The following TSC22D1 variants were observed in gnomAD, a reference collection of about 807,000 sequenced individuals.
The protein encoded by TSC22D1 is TSC22 domain family member 1, also known as TSC22 domain family protein 1.
A neutral mutation model predicts 74.2 loss-of-function variants in TSC22D1; 9 were observed. That is an observed-to-expected ratio of 0.12 (90% CI 0.07 to 0.21). The LOEUF (loss-of-function observed/expected upper bound fraction) is 0.21, where lower values mean the gene tolerates loss of function less well. TSC22D1 is among the 10% of genes least tolerant of loss of function. The pLI is 1.00. For missense variants in TSC22D1, 1,427 were observed against 1,304.7 expected (o/e 1.09, Z -1.44); for synonymous variants, 586 against 492.5 (o/e 1.19, Z -2.51).
intron 1 of TSC22D1, among the ~76,000 whole-genome samples, chr13:44,535,650 C>A (rs954664750): frequency 3.8e-4 from 57 of 151,208 alleles, no homozygotes; most frequent in African/African-American, 1.3e-3. Flanking sequence ...ACAAAAAAAA[C>A]CATTTGTTTC....
intron 1 of TSC22D1, among the ~76,000 whole-genome samples, chr13:44,513,776 T>C (rs897732522): frequency 6.6e-6 from 1 of 152,222 alleles, no homozygotes; most frequent in South Asian, 2.1e-4. Context: ...GAGAATCTTT[T>C]CTCTTCTAAC....
chr13:44,458,927 C>T (rs1876831551), intron 1 of TSC22D1, among the ~76,000 whole-genome samples: 1 of 152,168 alleles, frequency 6.6e-6, no homozygotes, highest in African/African-American at 2.4e-5. Flanking sequence ...GTACGAACAG[C>T]CTGGGCACTG....
chr13:44,508,330 G>C (rs542604520), intron 1 of TSC22D1, among the ~76,000 whole-genome samples: 1 of 152,312 alleles, frequency 6.6e-6, no homozygotes, highest in East Asian at 1.9e-4. Context: ...GGGTTGGTGA[G>C]CTTGGTTAAA....
At chr13:44,512,601 CTCTACA>C (rs1879784990) in intron 1 of TSC22D1, among the ~76,000 whole-genome samples, 1 of 152,310 alleles carries the variant, frequency 6.6e-6, no homozygotes, top group Non-Finnish European at 1.5e-5. Flanking sequence ...TCATCCCTTT[CTCTACA>C]TCTACATCTA....
intron 1 of TSC22D1, among the ~76,000 whole-genome samples, chr13:44,558,881 G>A (rs900137829): frequency 6.6e-6 from 1 of 152,188 alleles, no homozygotes; most frequent in African/African-American, 2.4e-5. Flanking sequence ...TATCTAGGGT[G>A]AAATTCTCAT....
chr13:44,576,299 G>GATCCCCCCTTC lies in TSC22D1; in HGVS notation c.-226_-225insGAAGGGGGGAT. ...AACAGGGCGGCCGGGGACCCGAAGG[G>GATCCCCCCTTC]GGGATCCCTTCAGTCCTTCGCCATT... On this transcript the variant is annotated 5_prime_UTR_variant, in exon 1 of 3. Coordinates refer to ENST00000458659, the MANE Select transcript of TSC22D1 (RefSeq NM_183422.4). 1 of 591,542 alleles carries GATCCCCCCTTC rather than the reference G, an allele frequency of 1.7e-6. No homozygotes were observed. Among genetic ancestry groups the GATCCCCCCTTC allele is most frequent in the Non-Finnish European group, 2.9e-6 (1 of 344,188 alleles). 36.6% of individuals were successfully genotyped at this position (591,542 alleles called of 1,614,324 possible).
chr13:44,536,936 A>AAC, intron 1 of TSC22D1: 1 of 800,228 alleles, frequency 1.2e-6, no homozygotes. Context: ...GAAAAAAAAA[A>AAC]AAAAAAAAAA....
In TSC22D1 at chr13:44,517,857, AT is replaced by A. The variant is rs71070912; in HGVS notation, c.2912+55305del. Among the ~76,000 whole-genome samples, 20 of 16,166 alleles carry A rather than the reference AT, an allele frequency of 1.2e-3. 1 individual carries two copies. Among genetic ancestry groups the A allele is most frequent in the East Asian group, 2.9e-3 (3 of 1,042 alleles). The allele number at this position is 16,166 out of a possible 152,430, so 10.6% of individuals were successfully genotyped here. ...TATATATATATATATATATATATAT[AT>A]TTTTTTTTTTTTTTTTTTTTTAACA... On this transcript the variant is annotated intron_variant, in intron 1 of 2. Transcript: ENST00000458659.
chr13:44,434,009 G>C lies in TSC22D1; in HGVS notation c.*617C>G, dbSNP rs1874287265. 6.5e-7 allele frequency: 1 copy of C among 1,533,792 alleles called. No homozygotes were observed. The highest frequency in any genetic ancestry group is 8.7e-7 in the Non-Finnish European group (1 of 1,146,462). On this transcript the variant is annotated 3_prime_UTR_variant, in exon 3 of 3. Coordinates refer to ENST00000458659, the MANE Select transcript of TSC22D1 (RefSeq NM_183422.4). ...ATAAGCAAAACAACCTTCATGGTAAGATAGCCTAGGTCCCAGCTACCTGTC... is the reference window on the plus strand; with the variant it reads ...ATAAGCAAAACAACCTTCATGGTAACATAGCCTAGGTCCCAGCTACCTGTC...
intron 1 of TSC22D1, among the ~76,000 whole-genome samples, chr13:44,455,242 G>A (rs186149190): frequency 6.6e-6 from 1 of 152,310 alleles, no homozygotes; most frequent in East Asian, 1.9e-4. Flanking sequence ...TAAGAGAGAT[G>A]ATGGGATTAG....
At chr13:44,456,483 G>C (rs1266189622) in intron 1 of TSC22D1, among the ~76,000 whole-genome samples, 2 of 152,070 alleles carry the variant, frequency 1.3e-5, no homozygotes, top group Non-Finnish European at 2.9e-5. Flanking sequence ...CAAACCTTTA[G>C]CTAGACACAG....
Position 44,482,017 on chromosome 13 carries a change from C to G in TSC22D1, c.2913-45922G>C, listed in dbSNP as rs149998942. Among the ~76,000 whole-genome samples, 977 of 152,292 alleles carry G rather than the reference C, an allele frequency of 6.4e-3. 11 individuals carry two copies. The highest frequency in any genetic ancestry group is 0.022 in the African/African-American group (917 of 41,554). On this transcript the variant is annotated intron_variant, in intron 1 of 2. Transcript: ENST00000458659. Reference sequence around the variant, plus strand: ...CACAATTTCTTTGTTCCTTCTCAAACTCCATCAGCTTTTCAAATATAAAGG... The same window carrying G: ...CACAATTTCTTTGTTCCTTCTCAAAGTCCATCAGCTTTTCAAATATAAAGG...
At chr13:44,555,453 A>T (rs1036948986) in intron 1 of TSC22D1, among the ~76,000 whole-genome samples, 28 of 152,110 alleles carry the variant, frequency 1.8e-4, no homozygotes, top group African/African-American at 6.0e-4. Context: ...TAAAAATACA[A>T]AAATAAGCTG....
chr13:44,510,319 G>A (rs541746770), intron 1 of TSC22D1, among the ~76,000 whole-genome samples: 3 of 151,912 alleles, frequency 2.0e-5, no homozygotes, highest in East Asian at 1.9e-4. Context: ...TTGAACCTGC[G>A]AGGCGGGGGT....
chr13:44,534,933 C>T (rs950666861), intron 1 of TSC22D1, among the ~76,000 whole-genome samples: 1 of 152,214 alleles, frequency 6.6e-6, no homozygotes. Flanking sequence ...TTTTACAGTG[C>T]TCAGGCTTGA....
Position 44,575,938 on chromosome 13 carries a change from G to A in TSC22D1, c.137C>T (p.Thr46Ile), listed in dbSNP as rs1268226143. The change falls in exon 1 of 3, where the codon ACC (threonine) becomes ATC (isoleucine). Residue 46 changes from threonine to isoleucine, a missense_variant. By Grantham distance (89) the Thr-to-Ile change is moderately conservative. Transcript: ENST00000458659. ...GSASALNAAG[T>I]GVGSNATSSE... ...AGATGTGGCATTACTACCGACGCCG[G>A]TACCTGCTGCATTGAGAGCAGAGGC... The A allele has an allele frequency of 1.9e-6, 3 of 1,611,966 alleles. No homozygotes were observed. The highest frequency in any genetic ancestry group is 2.2e-5 in the South Asian group (2 of 90,858).
Position 44,557,640 on chromosome 13 carries a change from G to C in TSC22D1, c.2912+15523C>G, listed in dbSNP as rs185289412. Among the ~76,000 whole-genome samples, 237 of 152,244 alleles carry C rather than the reference G, an allele frequency of 1.6e-3. 1 individual carries two copies. The highest frequency in any genetic ancestry group is 5.5e-3 in the African/African-American group (229 of 41,548). On this transcript the variant is annotated intron_variant, in intron 1 of 2. Transcript: ENST00000458659. The stretch of plus-strand genomic sequence containing the variant: ...GTTCCAATAATAAATATGATGTGAA[G>C]ATAAGTTGTAACCACTCAAAATTAA...
intron 1 of TSC22D1, among the ~76,000 whole-genome samples, chr13:44,522,253 A>T (rs141396182): frequency 6.6e-6 from 1 of 152,206 alleles, no homozygotes; most frequent in Non-Finnish European, 1.5e-5. Context: ...CTGGAGAGGA[A>T]GAATGAGGGT....
In TSC22D1 at chr13:44,434,751, G is replaced by C; in HGVS notation, c.3097C>G (p.Pro1033Ala). 1 of 1,613,974 alleles carries C rather than the reference G, an allele frequency of 6.2e-7. No homozygotes were observed. The highest frequency in any genetic ancestry group is 8.5e-7 in the Non-Finnish European group (1 of 1,180,036). Residue 1033 changes from proline to alanine, a missense_variant, in exon 3 of 3, where the codon CCT (proline) becomes GCT (alanine). This residue lies in a region of TSC22D1 where 63 missense variants were observed against 50.5 expected (regional missense o/e 1.25). Transcript: ENST00000458659. ...ENNLLKTLAS[P>A]EQLAQFQAQL... The stretch of plus-strand genomic sequence containing the variant: ...GCCTGAAACTGGGCAAGCTGCTCAG[G>C]ACTGGCCAGTGTCTTCAGCAGATTG...
Sources: gnomAD v4.1 joint callset for allele counts (sites outside exome capture counted in the v4.1 genomes callset) on GRCh38, gnomAD v4.1.1 for gene constraint, gnomAD v4.1.1 regional missense constraint, MANE v1.5 for transcripts, NCBI Gene and HGNC (gene_info 2026-07-23, HGNC 2026-07-21) for gene names.